Variants in PLEKHG7 observed in about 807,000 individuals in gnomAD.
The protein encoded by PLEKHG7 is pleckstrin homology domain-containing family G member 7.
Under a neutral mutation model 85.2 loss-of-function variants are expected in PLEKHG7, and 77 were observed. The observed-to-expected ratio is 0.90, with a 90% CI of 0.75 to 1.09. The LOEUF is 1.09. PLEKHG7 is among the 50% of genes least tolerant of loss of function. The pLI, the probability that PLEKHG7 is intolerant of heterozygous loss-of-function variation, is 0.00. For synonymous variants in PLEKHG7, 301 were observed against 302.4 expected (o/e 1.00, Z 0.05); for missense variants, 777 against 804.3 (o/e 0.97, Z 0.41).
chr12:92,726,769 G>C (rs1427014005), intron 3 of PLEKHG7, among the ~76,000 whole-genome samples: 1 of 152,168 alleles, frequency 6.6e-6, no homozygotes, highest in Non-Finnish European at 1.5e-5. Flanking sequence ...GAAGAAGGTA[G>C]GAGAAAGGAG....
intron 3 of PLEKHG7, among the ~76,000 whole-genome samples, chr12:92,721,702 CAAAAAAAAAAAAAAA>C (rs71069170): frequency 1.2e-4 from 5 of 43,370 alleles, no homozygotes; most frequent in African/African-American, 1.6e-4. Flanking sequence ...AGCATAAAAC[CAAAAAAAAAAAAAAA>C]AAAAAAAAAA....
chr12:92,758,861 C>T (rs1872908804), intron 13 of PLEKHG7, among the ~76,000 whole-genome samples: 1 of 152,194 alleles, frequency 6.6e-6, no homozygotes, highest in Non-Finnish European at 1.5e-5. Flanking sequence ...TTAGAAGAAA[C>T]AGGACATTTC....
At chr12:92,739,996 G>T (rs1872302393) in intron 7 of PLEKHG7, among the ~76,000 whole-genome samples, 1 of 152,136 alleles carries the variant, frequency 6.6e-6, no homozygotes, top group Non-Finnish European at 1.5e-5. Flanking sequence ...GAGGGTGGGG[G>T]CCCAGCAAGC....
chr12:92,745,412 C>T, intron 9 of PLEKHG7, 66 bp from the exon 10 acceptor site: 1 of 1,092,496 alleles, frequency 9.2e-7, no homozygotes, highest in Non-Finnish European at 1.4e-6. Context: ...AGGAGAAACA[C>T]TCTTTCAGGG....
At position 92,729,039 on chromosome 12, in the gene PLEKHG7, C is replaced by A; in HGVS notation, c.577C>A (p.Leu193Ile). Residue 193 changes from leucine (L) to isoleucine (I), a missense_variant, in exon 4 of 17, where the codon CTT (leucine) becomes ATT (isoleucine). Leu to Ile is a conservative substitution (Grantham distance 5). Transcript: ENST00000344636. ...TTCTGTGGTGCTGAACTTACCTGGA[C>A]TTGAGGTGTTCCCCGGGGACCTTCT... ...RSSVVLNLPG[L>I]EVFPGDLLVS... 1 of 1,231,848 alleles carries A rather than the reference C, an allele frequency of 8.1e-7. No homozygotes were observed. Among genetic ancestry groups the A allele is most frequent in the Non-Finnish European group, 1.0e-6 (1 of 987,826 alleles). 76.3% of individuals were successfully genotyped at this position (1,231,848 alleles called of 1,614,324 possible).
At chr12:92,732,453 A>G (rs937453564) in intron 5 of PLEKHG7, among the ~76,000 whole-genome samples, 180 bp downstream of exon 5, 1 of 152,214 alleles carries the variant, frequency 6.6e-6, no homozygotes, top group African/African-American at 2.4e-5. Flanking sequence ...AGTGGTGCCA[A>G]TTTGTGCAGC....
intron 13 of PLEKHG7, among the ~76,000 whole-genome samples, chr12:92,756,889 A>G (rs1872851183): frequency 1.3e-5 from 2 of 152,192 alleles, no homozygotes; most frequent in Admixed American, 1.3e-4. Flanking sequence ...GACCTTCAGG[A>G]TAAGTTCAGA....
At chr12:92,746,522 A>G (rs1592683352) in intron 10 of PLEKHG7, among the ~76,000 whole-genome samples, 1 of 152,300 alleles carries the variant, frequency 6.6e-6, no homozygotes, top group East Asian at 1.9e-4. Flanking sequence ...ACTCAAACTG[A>G]AAGGTGATAG....
chr12:92,707,828 G>A (rs1001419795), intron 3 of PLEKHG7, 156 bp downstream of exon 3: 33 of 1,284,098 alleles, frequency 2.6e-5, no homozygotes, highest in Non-Finnish European at 3.3e-5. Context: ...ATAGGTGCAC[G>A]AGTTTTCATT....
chr12:92,740,266 T>C (rs987145188), intron 7 of PLEKHG7, among the ~76,000 whole-genome samples: 17 of 152,354 alleles, frequency 1.1e-4, no homozygotes, highest in Non-Finnish European at 2.1e-4. Flanking sequence ...TAAGTGAGGA[T>C]TGTACTTTTT....
rs948478099 is a variant in PLEKHG7, at chr12:92,722,078, A to C, written c.531-6915A>C. Among the ~76,000 whole-genome samples, 10 of 149,976 alleles carry C rather than the reference A, an allele frequency of 6.7e-5. No individual in the cohort carries two copies. In the East Asian group the frequency reaches 1.7e-3, roughly 26 times the overall value. On this transcript the variant is annotated intron_variant, in intron 3 of 16. Transcript: ENST00000344636. Reference sequence around the variant, plus strand: ...TGCCACATTTATTAAAAAAAAAAAAACCCTAATATTTAGAACAGCCAAAAG... The same window carrying C: ...TGCCACATTTATTAAAAAAAAAAAACCCCTAATATTTAGAACAGCCAAAAG...
Position 92,732,238 on chromosome 12 carries a change from A to G in PLEKHG7, c.664A>G (p.Lys222Glu), listed in dbSNP as rs769806446. 1 of 1,231,016 alleles carries G rather than the reference A, an allele frequency of 8.1e-7. No homozygotes were observed. 76.3% of individuals were successfully genotyped at this position (1,231,016 alleles called of 1,614,324 possible). A position where few individuals can be genotyped will look rare whatever the true frequency, so the allele number is the denominator to read the frequency against. ...HPLLLLNSES[K>E]KPRWPFSKRG... The stretch of plus-strand genomic sequence containing the variant: ...TTGTCTTTAATTTCACCCAGAATCC[A>G]AAAAGCCAAGATGGCCTTTCTCCAA... The change falls in exon 5 of 17, where the codon AAA (lysine) becomes GAA (glutamate). Residue 222 changes from lysine (K) to glutamate (E), a missense_variant. Physicochemically the swap from Lys to Glu is moderately conservative, Grantham distance 56 (BLOSUM62 1). Transcript: ENST00000344636.
In PLEKHG7 at chr12:92,764,046, T is replaced by G. The variant is rs143470846; in HGVS notation, c.1722T>G (p.Leu574=). ...VTKTKCNKKK[L]GGSDPGLMCP... is the part of the protein sequence containing the mutation. ...ATTTTTCTTGTTAATTTCAGAAACT[T>G]GGAGGCTCAGACCCTGGTTTAATGT... The change falls in exon 15 of 17, where the codon CTT becomes CTG. Residue 574 remains leucine, a synonymous_variant. Transcript: ENST00000344636. The G allele has an allele frequency of 2.6e-5, 41 of 1,593,012 alleles. No homozygotes were observed. In the East Asian group the frequency reaches 5.4e-4, roughly 21 times the overall value.
chr12:92,717,609 T>C (rs1470915532), intron 3 of PLEKHG7, among the ~76,000 whole-genome samples: 1 of 152,268 alleles, frequency 6.6e-6, no homozygotes, highest in East Asian at 1.9e-4. Context: ...AACGTAGTTT[T>C]GCTCTACCTA....
intron 3 of PLEKHG7, among the ~76,000 whole-genome samples, chr12:92,720,062 C>A (rs551936335): frequency 2.0e-5 from 3 of 152,318 alleles, no homozygotes; most frequent in African/African-American, 7.2e-5. Context: ...GCCCCATATT[C>A]GTTTCCTGTG....
In PLEKHG7 at chr12:92,745,476, A is replaced by T; in HGVS notation, c.1138-2A>T. ...CCTCCTTCTGCTCTTCCTTTCTTGC[A>T]GTATTTCCGAGGGAGTCTCTGTCAG... On this transcript the variant is annotated splice_acceptor_variant, in intron 9 of 16. Coordinates refer to ENST00000344636, the MANE Select transcript of PLEKHG7 (RefSeq NM_001377329.1). LOFTEE classifies it high-confidence loss of function. 1 of 1,597,260 alleles carries T rather than the reference A, an allele frequency of 6.3e-7. No homozygotes were observed. The highest frequency in any genetic ancestry group is 8.6e-7 in the Non-Finnish European group (1 of 1,164,802).
intron 3 of PLEKHG7, among the ~76,000 whole-genome samples, chr12:92,725,915 C>A (rs1165722978): frequency 6.6e-6 from 1 of 152,152 alleles, no homozygotes; most frequent in Non-Finnish European, 1.5e-5. Context: ...GGTGAAAATA[C>A]AGATACAGAA....
intron 3 of PLEKHG7, among the ~76,000 whole-genome samples, chr12:92,715,500 A>G (rs1871459712): frequency 6.6e-6 from 1 of 152,046 alleles, no homozygotes; most frequent in Non-Finnish European, 1.5e-5. Context: ...AACAAAAACA[A>G]AAACAAACCG....
At chr12:92,717,560 T>C (rs1449860509) in intron 3 of PLEKHG7, among the ~76,000 whole-genome samples, 1 of 152,266 alleles carries the variant, frequency 6.6e-6, no homozygotes, top group East Asian at 1.9e-4. Flanking sequence ...TTGTCAACAA[T>C]GGGCCTCATA....
Sources: allele counts gnomAD v4.1 joint callset (sites outside exome capture counted in the v4.1 genomes callset), GRCh38; gene constraint gnomAD v4.1.1; transcripts MANE v1.5; gene names NCBI Gene and HGNC (gene_info 2026-07-23, HGNC 2026-07-21).